Variants in ARSB observed in about 807,000 individuals in gnomAD.
ARSB encodes arylsulfatase B.
Under a neutral mutation model 50.9 loss-of-function variants are expected in ARSB, and 41 were observed. The observed-to-expected ratio is 0.81, with a 90% CI of 0.63 to 1.04. The LOEUF is 1.04. Among genes scored for constraint, ARSB ranks in the 50% least tolerant of loss-of-function variants. ARSB has a pLI of 0.00. For missense variants in ARSB, 672 were observed against 693.3 expected (o/e 0.97, Z 0.35); for synonymous variants, 269 against 284.8 (o/e 0.94, Z 0.56).
At chr5:78,904,729 C>A (rs1484019316) in intron 4 of ARSB, among the ~76,000 whole-genome samples, 2 of 143,582 alleles carry the variant, frequency 1.4e-5, no homozygotes, top group Admixed American at 1.4e-4. Context: ...ACTCTGTTGC[C>A]CAGGCTGGAA....
At chr5:78,881,598 CATA>C (rs1416554728) in intron 5 of ARSB, among the ~76,000 whole-genome samples, 2 of 151,994 alleles carry the variant, frequency 1.3e-5, no homozygotes, top group Admixed American at 1.3e-4. Context: ...TATTAATCTC[CATA>C]ATAATAAAAA....
chr5:78,900,879 A>G (rs1748771780), intron 4 of ARSB, among the ~76,000 whole-genome samples: 1 of 152,080 alleles, frequency 6.6e-6, no homozygotes, highest in Admixed American at 6.5e-5. Flanking sequence ...TCTACTAAAA[A>G]TACAAAAAAA....
intron 6 of ARSB, among the ~76,000 whole-genome samples, chr5:78,806,323 G>C (rs1430452526): frequency 6.6e-6 from 1 of 152,188 alleles, no homozygotes; most frequent in Non-Finnish European, 1.5e-5. Flanking sequence ...AATATGTAAA[G>C]ATCTTTAGAG....
At chr5:78,842,016 G>A (rs1232741106) in intron 5 of ARSB, among the ~76,000 whole-genome samples, 2 of 152,146 alleles carry the variant, frequency 1.3e-5, no homozygotes, top group Non-Finnish European at 2.9e-5. Context: ...GACTTCCTGA[G>A]GGGGAGGTAG....
Position 78,778,862 on chromosome 5 carries a change from A to C in ARSB, c.*1535T>G, listed in dbSNP as rs1451312059. 3 of 152,050 alleles carry C rather than the reference A, an allele frequency of 2.0e-5. No homozygotes were observed. The highest frequency in any genetic ancestry group is 7.2e-5 in the African/African-American group (3 of 41,398). 9.4% of individuals were successfully genotyped at this position (152,050 alleles called of 1,614,324 possible). On this transcript the variant is annotated 3_prime_UTR_variant, in exon 8 of 8. Transcript: ENST00000264914. ...CATAGGGAACCTTGTCTTTTCAAAAAATAAAATTAGCTGGGTGTGGCGGTA... is the reference window on the plus strand; with the variant it reads ...CATAGGGAACCTTGTCTTTTCAAAACATAAAATTAGCTGGGTGTGGCGGTA...
intron 4 of ARSB, among the ~76,000 whole-genome samples, chr5:78,895,056 C>T (rs1193435776): frequency 6.6e-6 from 1 of 152,198 alleles, no homozygotes; most frequent in East Asian, 1.9e-4. Context: ...AACAAACAAA[C>T]AAACAAATCA....
At chr5:78,813,316 A>T (rs1457406429) in intron 6 of ARSB, among the ~76,000 whole-genome samples, 2 of 152,178 alleles carry the variant, frequency 1.3e-5, no homozygotes, top group African/African-American at 2.4e-5. Flanking sequence ...CACCCACCTC[A>T]GCCTCCCAAA....
At chr5:78,912,235 A>G (rs1021785762) in intron 4 of ARSB, among the ~76,000 whole-genome samples, 3 of 152,230 alleles carry the variant, frequency 2.0e-5, no homozygotes, top group African/African-American at 7.2e-5. Context: ...AAAAGAGAGA[A>G]GATGGCCTAC....
At chr5:78,867,585 C>G (rs1746847633) in intron 5 of ARSB, among the ~76,000 whole-genome samples, 1 of 152,082 alleles carries the variant, frequency 6.6e-6, no homozygotes. Flanking sequence ...CAGGGTATTC[C>G]AACAGACCTG....
intron 6 of ARSB, chr5:78,815,954 G>A (rs1743970006): frequency 6.5e-7 from 1 of 1,543,852 alleles, no homozygotes; most frequent in Admixed American, 1.8e-5. Flanking sequence ...ATGATGCCAG[G>A]TTCCTAGTTC....
chr5:78,837,589 C>T (rs926993311), intron 6 of ARSB, among the ~76,000 whole-genome samples: 1 of 152,022 alleles, frequency 6.6e-6, no homozygotes, highest in African/African-American at 2.4e-5. Context: ...TTCTATTAGC[C>T]ACATTAAGAA....
intron 4 of ARSB, among the ~76,000 whole-genome samples, chr5:78,947,835 A>G (rs1445733691): frequency 6.6e-6 from 1 of 152,242 alleles, no homozygotes; most frequent in Admixed American, 6.5e-5. Context: ...TTGCACTGCC[A>G]TGTTTATTGC....
intron 3 of ARSB, among the ~76,000 whole-genome samples, chr5:78,956,314 T>C (rs1046334597): frequency 3.9e-5 from 6 of 152,158 alleles, no homozygotes; most frequent in Non-Finnish European, 5.9e-5. Context: ...TCCAGAAATA[T>C]AGGCAAATCT....
At chr5:78,788,226 A>G (rs1408760494) in intron 6 of ARSB, among the ~76,000 whole-genome samples, 1 of 152,246 alleles carries the variant, frequency 6.6e-6, no homozygotes, top group Admixed American at 6.5e-5. Context: ...ATATTCAGCT[A>G]TAAGATGGAT....
chr5:78,846,756 G>A (rs1745463104), intron 5 of ARSB, among the ~76,000 whole-genome samples: 1 of 152,140 alleles, frequency 6.6e-6, no homozygotes, highest in Non-Finnish European at 1.5e-5. Flanking sequence ...TCTATTGCCT[G>A]ATTGCTCTGG....
At position 78,780,281 on chromosome 5, in the gene ARSB, A is replaced by T; in HGVS notation, c.*116T>A. 1 of 1,423,654 alleles carries T rather than the reference A, an allele frequency of 7.0e-7. No individual in the cohort carries two copies. The highest frequency in any genetic ancestry group is 9.9e-7 in the Non-Finnish European group (1 of 1,013,294). The allele number at this position is 1,423,654 out of a possible 1,614,324, so 88.2% of individuals were successfully genotyped here. ...GAAATTAGACACCTCGGTGTGGTTT[A>T]AGAGCAAGAGAAGGGCCAAGTGAAC... On this transcript the variant is annotated 3_prime_UTR_variant, in exon 8 of 8. Transcript: ENST00000264914.
chr5:78,853,863 C>T (rs896304175), intron 5 of ARSB, among the ~76,000 whole-genome samples: 1 of 152,254 alleles, frequency 6.6e-6, no homozygotes, highest in Non-Finnish European at 1.5e-5. Context: ...CCCTCTGAGC[C>T]AGGTGCGGGA....
In ARSB at chr5:78,779,724, G is replaced by A. The variant is rs1748870244; in HGVS notation, c.*673C>T. 1 of 152,830 alleles carries A rather than the reference G, an allele frequency of 6.5e-6. No homozygotes were observed. Among genetic ancestry groups the A allele is most frequent in the East Asian group, 1.9e-4 (1 of 5,204 alleles). The allele number at this position is 152,830 out of a possible 1,614,324, so 9.5% of individuals were successfully genotyped here. A position where few individuals can be genotyped will look rare whatever the true frequency, so the allele number is the denominator to read the frequency against. The stretch of plus-strand genomic sequence containing the variant: ...AGGCAGGAAAAGCCACAGAAGAATT[G>A]GAAGTGGCAGGAAGTCTAGACAGAG... On this transcript the variant is annotated 3_prime_UTR_variant, in exon 8 of 8. Coordinates refer to ENST00000264914, the MANE Select transcript of ARSB (RefSeq NM_000046.5).
intron 4 of ARSB, among the ~76,000 whole-genome samples, chr5:78,889,118 T>C (rs759932604): frequency 3.9e-5 from 6 of 152,212 alleles, no homozygotes; most frequent in Non-Finnish European, 7.3e-5. Context: ...GTTGGTTAAC[T>C]ATATGAGAAA....
Sources: gnomAD v4.1 joint callset for allele counts (sites outside exome capture counted in the v4.1 genomes callset) on GRCh38, gnomAD v4.1.1 for gene constraint, MANE v1.5 for transcripts, NCBI Gene and HGNC (gene_info 2026-07-23, HGNC 2026-07-21) for gene names.